The following XIRP2 variants were observed in gnomAD, a reference collection of about 807,000 sequenced individuals.
The protein encoded by XIRP2 is xin actin-binding repeat-containing protein 2.
In XIRP2, 236 loss-of-function variants were observed where a neutral mutation model predicts 277.0. The observed-to-expected ratio is 0.85, with a 90% CI of 0.77 to 0.95. The LOEUF (loss-of-function observed/expected upper bound fraction) is 0.95, where lower values mean the gene tolerates loss of function less well. Among genes scored for constraint, XIRP2 ranks in the 40% least tolerant of loss-of-function variants. XIRP2 has a pLI of 0.00. For missense variants in XIRP2, 4,640 were observed against 4,157.5 expected, an observed-to-expected ratio of 1.12 and a Z score of -3.19; for synonymous variants, 1,490 against 1,416.5, an observed-to-expected ratio of 1.05 and a Z score of -1.17.
chr2:167,130,134 G>C (rs1222614496), intron 2 of XIRP2, among the ~76,000 whole-genome samples: 1 of 151,800 alleles, frequency 6.6e-6, no homozygotes, highest in Non-Finnish European at 1.5e-5. Context: ...TGCTTTAACA[G>C]AAACATGGCC....
chr2:167,210,604 G>A (rs1693995667), intron 3 of XIRP2, 131 bp from the exon 4 acceptor site: 2 of 1,251,164 alleles, frequency 1.6e-6, no homozygotes, highest in Non-Finnish European at 1.1e-6. Flanking sequence ...ATGAGACATT[G>A]AAAATATTGT....
Position 167,247,004 on chromosome 2 carries a change from C to T in XIRP2, c.5612C>T (p.Thr1871Ile), listed in dbSNP as rs1192036697. The T allele has an allele frequency of 1.9e-6, 3 of 1,613,660 alleles. No homozygotes were observed. Among genetic ancestry groups the T allele is most frequent in the Middle Eastern group, 1.7e-4 (1 of 6,060 alleles). Residue 1871 changes from threonine (T) to isoleucine (I), a missense_variant, in exon 9 of 11, where the codon ACA becomes ATA. By Grantham distance (89) the Thr-to-Ile change is moderately conservative (BLOSUM62 -1). Transcript: ENST00000409195. The part of the protein sequence containing the change: ...EEIIKGNMLA[T>I]LKSLKESSHR... ...ATTATAAAAGGTAACATGCTAGCCA[C>T]ACTCAAGTCACTTAAAGAATCAAGC...
In XIRP2 at chr2:166,918,397, T is replaced by C. The variant is rs115516238; in HGVS notation, c.408+14507T>C. Among the ~76,000 whole-genome samples the C allele has an allele frequency of 4.3e-3, 648 of 152,120 alleles. 4 individuals carry two copies. Among genetic ancestry groups the C allele is most frequent in the African/African-American group, 0.014 (599 of 41,510 alleles). ...TTCTAAAGGTAATGTTTTCTTTATT[T>C]CTCCCTTTAGTTTATTCTGCTTGTG... On this transcript the variant is annotated intron_variant, in intron 2 of 10. Transcript: ENST00000409195.
chr2:167,075,241 A>C (rs1689531597), intron 2 of XIRP2, among the ~76,000 whole-genome samples: 1 of 152,112 alleles, frequency 6.6e-6, no homozygotes, highest in African/African-American at 2.4e-5. Context: ...GGCAGGGAAA[A>C]AGCATGACAC....
intron 2 of XIRP2, among the ~76,000 whole-genome samples, chr2:166,931,615 G>A (rs1685339251): frequency 6.6e-6 from 1 of 152,050 alleles, no homozygotes; most frequent in African/African-American, 2.4e-5. Context: ...TGCTTTTATT[G>A]CTGAGTAGTT....
chr2:167,189,537 T>C (rs1693263971), intron 3 of XIRP2, among the ~76,000 whole-genome samples: 1 of 152,252 alleles, frequency 6.6e-6, no homozygotes, highest in Non-Finnish European at 1.5e-5. Flanking sequence ...AATTGTAATG[T>C]GTTTCTTCCT....
intron 2 of XIRP2, among the ~76,000 whole-genome samples, chr2:166,954,028 G>T (rs1246167472): frequency 3.3e-5 from 5 of 151,850 alleles, no homozygotes; most frequent in Non-Finnish European, 7.4e-5. Context: ...GATTATAAAA[G>T]TAATAAAGTA....
At chr2:167,014,263 A>G (rs1247232566) in intron 2 of XIRP2, among the ~76,000 whole-genome samples, 1 of 151,694 alleles carries the variant, frequency 6.6e-6, no homozygotes, top group Non-Finnish European at 1.5e-5. Context: ...ACACCTATAA[A>G]CAAAAATAAA....
At chr2:167,201,273 A>G (rs57572488) in intron 3 of XIRP2, among the ~76,000 whole-genome samples, 1,321 of 100,596 alleles carry the variant, frequency 0.013, 52 homozygotes, top group East Asian at 0.043. Flanking sequence ...AGAGAGGGAG[A>G]AAGGAAAGAA....
At chr2:167,217,009 C>A (rs1694267181) in intron 4 of XIRP2, among the ~76,000 whole-genome samples, 1 of 143,934 alleles carries the variant, frequency 6.9e-6, no homozygotes, top group Non-Finnish European at 1.5e-5. Context: ...TGGAAACCAT[C>A]ATTCTCAGTA....
intron 2 of XIRP2, among the ~76,000 whole-genome samples, chr2:167,127,770 A>G (rs1426048048): frequency 1.3e-5 from 2 of 152,232 alleles, no homozygotes; most frequent in Non-Finnish European, 2.9e-5. Flanking sequence ...ATGAAACTCC[A>G]GCATCATTTT....
intron 1 of XIRP2, among the ~76,000 whole-genome samples, 164 bp downstream of exon 1, chr2:166,888,721 A>G (rs1684019380): frequency 6.6e-6 from 1 of 152,210 alleles, no homozygotes; most frequent in Non-Finnish European, 1.5e-5. Flanking sequence ...CAACAAATTC[A>G]GGCTAGCGCT....
chr2:166,936,451 T>C (rs971935792), intron 2 of XIRP2, among the ~76,000 whole-genome samples: 4 of 152,110 alleles, frequency 2.6e-5, no homozygotes, highest in South Asian at 4.1e-4. Context: ...CTTTTGTTGC[T>C]ACTGCTTTTG....
Position 167,258,423 on chromosome 2 carries a change from G to A in XIRP2, c.*606G>A. 4 of 1,613,314 alleles carry A rather than the reference G, an allele frequency of 2.5e-6. No homozygotes were observed. Among genetic ancestry groups the A allele is most frequent in the Non-Finnish European group, 3.4e-6 (4 of 1,179,666 alleles). On this transcript the variant is annotated 3_prime_UTR_variant, in exon 11 of 11. Transcript: ENST00000409195. ...ATCAAAGAAATGAAAATGCCTGAAG[G>A]AAGAAAAGATGAAAAGAAGGAAGGA...
rs1266238890 is a variant in XIRP2 at position 167,258,581 on chromosome 2, C to A, written c.*764C>A. 6.2e-7 allele frequency: 1 copy of A among 1,612,840 alleles called. No homozygotes were observed. Among genetic ancestry groups the A allele is most frequent in the South Asian group, 1.1e-5 (1 of 91,036 alleles). ...AAAGGAGAAAAATGAAAAAACTAAC[C>A]AAACTAATGGTGCAGAAGTTTTACA... On this transcript the variant is annotated 3_prime_UTR_variant, in exon 11 of 11. Transcript: ENST00000409195.
chr2:167,251,919 C>T lies in XIRP2; in HGVS notation c.10527C>T (p.Thr3509=), dbSNP rs776800941. 2 of 1,569,936 alleles carry T rather than the reference C, an allele frequency of 1.3e-6. No individual in the cohort carries two copies. Among genetic ancestry groups the T allele is most frequent in the South Asian group, 1.2e-5 (1 of 81,312 alleles). The change falls in exon 9 of 11, where the codon ACC becomes ACT. Residue 3509 remains threonine, a synonymous_variant. Coordinates refer to ENST00000409195, the MANE Select transcript of XIRP2 (RefSeq NM_152381.6). ...ADASATEMRT[T]FQEESAFISE... The stretch of plus-strand genomic sequence containing the variant: ...CTTCTGCAACTGAGATGAGAACCAC[C>T]TTCCAAGAGGAATCTGCATTTATAA...
intron 1 of XIRP2, among the ~76,000 whole-genome samples, chr2:166,893,353 C>T (rs796430774): frequency 2.0e-5 from 3 of 151,948 alleles, no homozygotes; most frequent in African/African-American, 7.2e-5. Flanking sequence ...CCCAATACAC[C>T]AAAAAAATTA....
intron 3 of XIRP2, among the ~76,000 whole-genome samples, chr2:167,158,945 T>C (rs1435244550): frequency 3.3e-5 from 5 of 152,046 alleles, no homozygotes; most frequent in African/African-American, 1.2e-4. Flanking sequence ...ATAGCAGATA[T>C]AAGAAGCAGA....
At chr2:166,956,441 ACCTGTATT>A (rs1156697842) in intron 2 of XIRP2, among the ~76,000 whole-genome samples, 1 of 151,796 alleles carries the variant, frequency 6.6e-6, no homozygotes, top group Non-Finnish European at 1.5e-5. Flanking sequence ...AGCAAGGACT[ACCTGTATT>A]GTCTGTGTGT....
Sources: allele counts gnomAD v4.1 joint callset (sites outside exome capture counted in the v4.1 genomes callset), GRCh38; gene constraint gnomAD v4.1.1; transcripts MANE v1.5; gene names NCBI Gene and HGNC (gene_info 2026-07-23, HGNC 2026-07-21).